Variants in ARHGEF3 observed in about 807,000 individuals in gnomAD.
The protein encoded by ARHGEF3 is 59.8 kDA protein.
In ARHGEF3, 28 loss-of-function variants were observed where a neutral mutation model predicts 63.2. The ratio of observed to expected loss-of-function variants is 0.44; its 90% CI spans 0.33 to 0.61. ARHGEF3 has a LOEUF of 0.61. Ranked by LOEUF, ARHGEF3 falls within the 20% of genes least tolerant of loss-of-function variation. The pLI is 0.03. For missense variants in ARHGEF3, 533 were observed against 659.3 expected (o/e 0.81, Z 2.10); for synonymous variants, 266 against 254.2 (o/e 1.05, Z -0.44).
chr3:56,740,899 C>T (rs2033973949), intron 7 of ARHGEF3, among the ~76,000 whole-genome samples: 1 of 152,154 alleles, frequency 6.6e-6, no homozygotes. Flanking sequence ...TGTTCATTTC[C>T]TAATTTAACT....
intron 2 of ARHGEF3, among the ~76,000 whole-genome samples, chr3:56,997,889 T>G (rs1489275954): frequency 6.6e-6 from 1 of 152,184 alleles, no homozygotes; most frequent in African/African-American, 2.4e-5. Context: ...CTCATAAAAC[T>G]TTCACAATTC....
chr3:56,929,039 A>G (rs2042345822), intron 3 of ARHGEF3, among the ~76,000 whole-genome samples: 2 of 152,146 alleles, frequency 1.3e-5, no homozygotes, highest in South Asian at 2.1e-4. Context: ...AAGGCCTACT[A>G]TGTGCACACT....
At chr3:57,050,117 A>C (rs1291489326) in intron 1 of ARHGEF3, among the ~76,000 whole-genome samples, 2 of 152,082 alleles carry the variant, frequency 1.3e-5, no homozygotes, top group African/African-American at 4.8e-5. Flanking sequence ...TCCAATCAGC[A>C]ACTAAGGCCT....
chr3:56,873,026 T>A (rs2040479704), intron 4 of ARHGEF3, among the ~76,000 whole-genome samples: 1 of 151,878 alleles, frequency 6.6e-6, no homozygotes, highest in Admixed American at 6.6e-5. Context: ...GAAGACAGGA[T>A]GTTGCTCTGA....
chr3:56,741,496 CTTT>C (rs71072191), intron 7 of ARHGEF3, among the ~76,000 whole-genome samples: 3 of 50,510 alleles, frequency 5.9e-5, no homozygotes, highest in Admixed American at 5.9e-4. Flanking sequence ...TACATTGGTT[CTTT>C]TTTTTTTTTT....
chr3:56,810,228 A>C (rs886837461), intron 4 of ARHGEF3, among the ~76,000 whole-genome samples: 2 of 152,124 alleles, frequency 1.3e-5, no homozygotes, highest in African/African-American at 2.4e-5. Context: ...TAAGACTGTA[A>C]TATGTGCTAT....
intron 3 of ARHGEF3, among the ~76,000 whole-genome samples, chr3:56,938,228 C>T (rs1057178614): frequency 3.3e-5 from 5 of 151,940 alleles, no homozygotes; most frequent in Non-Finnish European, 7.4e-5. Flanking sequence ...GCAGAGAGAG[C>T]CTGAGTGGAG....
At chr3:57,061,310 T>A (rs553657658) in intron 1 of ARHGEF3, among the ~76,000 whole-genome samples, 32 of 152,276 alleles carry the variant, frequency 2.1e-4, no homozygotes, top group African/African-American at 6.5e-4. Context: ...TATTATTTTT[T>A]TTTTTGCAAT....
upstream of ARHGEF3, among the ~76,000 whole-genome samples, chr3:56,806,197 G>T (rs911527149): frequency 7.9e-5 from 12 of 152,198 alleles, no homozygotes; most frequent in Middle Eastern, 3.2e-3. Flanking sequence ...TGGGGTTTTA[G>T]GCAATCTGCC....
At chr3:56,774,465 A>G (rs1422357308) in intron 1 of ARHGEF3, among the ~76,000 whole-genome samples, 1 of 152,226 alleles carries the variant, frequency 6.6e-6, no homozygotes, top group African/African-American at 2.4e-5. Context: ...ATCGGTTTCT[A>G]TACTATATAT....
At chr3:57,010,298 C>CA (rs779675954) in intron 2 of ARHGEF3, among the ~76,000 whole-genome samples, 32 of 150,896 alleles carry the variant, frequency 2.1e-4, no homozygotes, top group African/African-American at 2.2e-4. Context: ...ACTAAAAATA[C>CA]AAAAAAAATT....
intron 2 of ARHGEF3, among the ~76,000 whole-genome samples, chr3:56,963,739 G>A (rs928730983): frequency 2.6e-5 from 4 of 152,086 alleles, no homozygotes; most frequent in African/African-American, 9.7e-5. Context: ...CCTGTGCCAG[G>A]TATTTTTATT....
chr3:56,973,501 A>G (rs1485242786), intron 2 of ARHGEF3, among the ~76,000 whole-genome samples: 2 of 152,218 alleles, frequency 1.3e-5, no homozygotes, highest in Admixed American at 6.5e-5. Context: ...ACATTGAAAT[A>G]GTATGGACCT....
intron 4 of ARHGEF3, among the ~76,000 whole-genome samples, chr3:56,818,822 G>C (rs191950265): frequency 6.6e-6 from 1 of 152,096 alleles, no homozygotes; most frequent in African/African-American, 2.4e-5. Context: ...CCAGGGTCGT[G>C]GCAAATATTG....
intron 2 of ARHGEF3, among the ~76,000 whole-genome samples, chr3:56,963,917 C>T (rs1560088470): frequency 1.3e-5 from 2 of 152,170 alleles, no homozygotes; most frequent in Non-Finnish European, 2.9e-5. Flanking sequence ...ATAGAAAGCT[C>T]ATCACTTTGG....
chr3:56,875,239 G>T (rs2040548355), intron 4 of ARHGEF3, among the ~76,000 whole-genome samples: 2 of 152,180 alleles, frequency 1.3e-5, no homozygotes. Context: ...TTGTTGCTAT[G>T]TATCTAATGA....
At chr3:56,821,144 G>A (rs984694013) in intron 4 of ARHGEF3, among the ~76,000 whole-genome samples, 1 of 151,830 alleles carries the variant, frequency 6.6e-6, no homozygotes, top group African/African-American at 2.4e-5. Context: ...GCAACAGAGT[G>A]AGAGACCCTG....
At chr3:56,988,311 T>G (rs1374687592) in intron 2 of ARHGEF3, among the ~76,000 whole-genome samples, 1 of 152,092 alleles carries the variant, frequency 6.6e-6, no homozygotes, top group East Asian at 1.9e-4. Flanking sequence ...CATGCCCAGC[T>G]AATTTTTTTG....
At chr3:57,054,823 G>A in intron 1 of ARHGEF3, among the ~76,000 whole-genome samples, 1 of 151,580 alleles carries the variant, frequency 6.6e-6, no homozygotes, top group Non-Finnish European at 1.5e-5. Flanking sequence ...GCTAATTTTT[G>A]TATTTTTAGT....
Sources: allele counts gnomAD v4.1 joint callset (sites outside exome capture counted in the v4.1 genomes callset), GRCh38; gene constraint gnomAD v4.1.1; transcripts MANE v1.5; gene names NCBI Gene and HGNC (gene_info 2026-07-23, HGNC 2026-07-21).